ZMYM2: variants seen among roughly 807,000 people sequenced by gnomAD.
ZMYM2 encodes zinc finger MYM-type containing 2.
In ZMYM2, 56 loss-of-function variants were observed where a neutral mutation model predicts 162.8. That is an observed-to-expected ratio of 0.34 (90% CI 0.28 to 0.43). ZMYM2 has a LOEUF of 0.43. Ranked by LOEUF, ZMYM2 falls within the 20% of genes least tolerant of loss-of-function variation. The pLI is 1.00. For missense variants in ZMYM2, 1,275 were observed against 1,621.8 expected, an observed-to-expected ratio of 0.79 and a Z score of 3.67; for synonymous variants, 510 against 541.6, an observed-to-expected ratio of 0.94 and a Z score of 0.81.
chr13:19,994,337 CAAAAG>C (rs1949856928), intron 3 of ZMYM2, among the ~76,000 whole-genome samples: 2 of 152,218 alleles, frequency 1.3e-5, no homozygotes, highest in East Asian at 3.9e-4. Flanking sequence ...GCAAAACAAA[CAAAAG>C]AATGAAGTGT....
intron 7 of ZMYM2, among the ~76,000 whole-genome samples, chr13:20,023,200 A>T (rs1952271455): frequency 1.3e-5 from 2 of 152,218 alleles, no homozygotes; most frequent in African/African-American, 4.8e-5. Context: ...GAGGTTAGTA[A>T]ATATAAAGGT....
chr13:20,056,366 C>G (rs1955796180), intron 14 of ZMYM2, among the ~76,000 whole-genome samples: 1 of 152,170 alleles, frequency 6.6e-6, no homozygotes, highest in African/African-American at 2.4e-5. Flanking sequence ...GGATAATGCC[C>G]CAGTTCATTG....
the ZMYM2 span, among the ~76,000 whole-genome samples, chr13:19,882,557 G>A: frequency 6.6e-6 from 1 of 152,162 alleles, no homozygotes; most frequent in African/African-American, 2.4e-5. Context: ...GACCAGCCTG[G>A]GCAACAAGGT....
rs1297238806 is a variant in ZMYM2 at position 20,046,661 on chromosome 13, GTA to G, written c.2293-4764_2293-4763del. ...TATATGTGTACATATGTATATGTGT[GTA>G]TATATATGTGTGTATATATGTATAT... is the stretch of plus-strand genomic sequence containing the variant. On this transcript the variant is annotated intron_variant, in intron 12 of 24. Transcript: ENST00000610343. Among the ~76,000 whole-genome samples the G allele has an allele frequency of 2.1e-3, 311 of 146,608 alleles. 3 individuals are homozygous for G. The highest frequency in any genetic ancestry group is 7.6e-3 in the African/African-American group (290 of 38,332).
At chr13:20,082,731 G>T in intron 22 of ZMYM2, 50 bp from the exon 23 acceptor site, 1 of 1,413,434 alleles carries the variant, frequency 7.1e-7, no homozygotes, top group South Asian at 1.5e-5. Context: ...ATGGTTAAAT[G>T]AAAACTTTTA....
chr13:19,971,467 T>C (rs1594089710), intron 2 of ZMYM2, among the ~76,000 whole-genome samples: 1 of 151,136 alleles, frequency 6.6e-6, no homozygotes, highest in African/African-American at 2.4e-5. Context: ...ACGGGGTTTC[T>C]CCATGTTGGT....
intron 14 of ZMYM2, among the ~76,000 whole-genome samples, chr13:20,057,642 T>G (rs1232074978): frequency 6.6e-6 from 1 of 152,224 alleles, no homozygotes; most frequent in Non-Finnish European, 1.5e-5. Flanking sequence ...TGAGTTGATT[T>G]CAGTACAGTA....
intron 2 of ZMYM2, among the ~76,000 whole-genome samples, chr13:19,971,228 A>ATGTGTGTGTG (rs10629393): frequency 6.8e-5 from 4 of 58,914 alleles, no homozygotes; most frequent in Non-Finnish European, 9.2e-5. Context: ...GTTTATATAT[A>ATGTGTGTGTG]TGTGTGTGTG....
chr13:20,085,402 T>C (rs534579075), intron 24 of ZMYM2, among the ~76,000 whole-genome samples: 37 of 152,340 alleles, frequency 2.4e-4, no homozygotes, highest in African/African-American at 8.4e-4. Context: ...AAATTGAGTT[T>C]CTATTATGTA....
chr13:19,956,120 C>G (rs759510079), upstream of ZMYM2, among the ~76,000 whole-genome samples: 1 of 152,166 alleles, frequency 6.6e-6, no homozygotes, highest in Non-Finnish European at 1.5e-5. Context: ...TAAAAAACCT[C>G]GTAACTTTTA....
chr13:19,938,401 G>A, the ZMYM2 span, among the ~76,000 whole-genome samples: 1 of 152,134 alleles, frequency 6.6e-6, no homozygotes, highest in African/African-American at 2.4e-5. Context: ...AGGAGGGTGA[G>A]GCAGGAGAAT....
chr13:19,983,115 A>G (rs1350982396), intron 2 of ZMYM2, among the ~76,000 whole-genome samples: 3 of 151,776 alleles, frequency 2.0e-5, no homozygotes, highest in African/African-American at 7.3e-5. Context: ...AAAGAATTGT[A>G]TAATTTGTAT....
the ZMYM2 span, among the ~76,000 whole-genome samples, chr13:19,885,870 TATGTATATAC>T: frequency 8.9e-6 from 1 of 112,774 alleles, no homozygotes; most frequent in African/African-American, 3.5e-5. Flanking sequence ...AAAATATATA[TATGTATATAC>T]ACATATATAT....
chr13:19,890,803 C>T, the ZMYM2 span, among the ~76,000 whole-genome samples: 25 of 150,760 alleles, frequency 1.7e-4, 1 homozygote, highest in Admixed American at 3.3e-4. Context: ...ACCCGAGAGG[C>T]GGAGCTTGCG....
At chr13:20,079,514 T>C (rs1240195174) in intron 21 of ZMYM2, among the ~76,000 whole-genome samples, 1 of 152,066 alleles carries the variant, frequency 6.6e-6, no homozygotes, top group African/African-American at 2.4e-5. Flanking sequence ...CTGTAGATTC[T>C]CATTGGTTGC....
the ZMYM2 span, among the ~76,000 whole-genome samples, chr13:19,910,343 G>C: frequency 3.3e-5 from 5 of 152,252 alleles, no homozygotes; most frequent in African/African-American, 9.6e-5. Flanking sequence ...TAGTTAGGTT[G>C]GTTGGCTGAC....
intron 2 of ZMYM2, among the ~76,000 whole-genome samples, chr13:19,979,154 C>G (rs1957067365): frequency 6.6e-6 from 1 of 152,110 alleles, no homozygotes; most frequent in Non-Finnish European, 1.5e-5. Context: ...TTCCTTGAAC[C>G]AGATGAGTCT....
intron 22 of ZMYM2, among the ~76,000 whole-genome samples, chr13:20,082,441 A>G (rs1873014123): frequency 6.6e-6 from 1 of 152,174 alleles, no homozygotes; most frequent in African/African-American, 2.4e-5. Context: ...CAGTCCGTGA[A>G]GAAAATGTGT....
At chr13:19,971,246 A>G (rs28664095) in intron 2 of ZMYM2, among the ~76,000 whole-genome samples, 20,077 of 46,518 alleles carry the variant, frequency 0.43, 2,638 homozygotes, top group South Asian at 0.51. Context: ...GTGTGTGTGT[A>G]TATATATATA....
Sources: gnomAD v4.1 joint callset for allele counts (sites outside exome capture counted in the v4.1 genomes callset) on GRCh38, gnomAD v4.1.1 for gene constraint, MANE v1.5 for transcripts, NCBI Gene and HGNC (gene_info 2026-07-23, HGNC 2026-07-21) for gene names.